The following FBXL2 variants were observed in gnomAD, a reference collection of about 807,000 sequenced individuals.
The protein encoded by FBXL2 is F-box and leucine rich repeat protein 2.
FBXL2 carries 38 observed loss-of-function variants against 69.2 expected under a neutral mutation model. That is an observed-to-expected ratio of 0.55 (90% CI 0.42 to 0.72). The LOEUF is 0.72. FBXL2 is among the 30% of genes least tolerant of loss of function. FBXL2 has a pLI of 0.00. For missense variants in FBXL2, 354 were observed against 520.3 expected, an observed-to-expected ratio of 0.68 and a Z score of 3.11; for synonymous variants, 192 against 201.3, an observed-to-expected ratio of 0.95 and a Z score of 0.39.
At chr3:33,346,086 G>GT (rs1207543597) in intron 2 of FBXL2, among the ~76,000 whole-genome samples, 3 of 152,094 alleles carry the variant, frequency 2.0e-5, no homozygotes, top group Admixed American at 6.5e-5. Flanking sequence ...AATTAGCCAG[G>GT]TGTGGTGACA....
At chr3:33,284,495 T>C (rs1367665406) in intron 1 of FBXL2, among the ~76,000 whole-genome samples, 2 of 152,216 alleles carry the variant, frequency 1.3e-5, no homozygotes, top group Non-Finnish European at 2.9e-5. Flanking sequence ...ATAAGTGCAA[T>C]GTGATGCTGA....
the FBXL2 span, among the ~76,000 whole-genome samples, chr3:33,417,644 G>C: frequency 6.6e-6 from 1 of 152,134 alleles, no homozygotes; most frequent in Non-Finnish European, 1.5e-5. Context: ...TTAGGAAAAT[G>C]CTGCTGTAAA....
chr3:33,395,591 G>A (rs1236157389), intron 12 of FBXL2, among the ~76,000 whole-genome samples: 1 of 151,824 alleles, frequency 6.6e-6, no homozygotes, highest in East Asian at 1.9e-4. Context: ...ATTATTTACA[G>A]TGACATAAAA....
chr3:33,373,489 G>A, intron 7 of FBXL2, 89 bp from the exon 8 acceptor site: 1 of 1,592,772 alleles, frequency 6.3e-7, no homozygotes, highest in African/African-American at 1.3e-5. Context: ...CTCCCCTTCG[G>A]AATTTCTTGT....
intron 3 of FBXL2, 59 bp from the exon 4 acceptor site, chr3:33,359,224 G>A: frequency 7.1e-7 from 1 of 1,417,546 alleles, no homozygotes; most frequent in Non-Finnish European, 9.8e-7. Context: ...TTCTTTAATA[G>A]TCTCAATAAA....
At chr3:33,333,785 G>A (rs1434360753) in intron 2 of FBXL2, among the ~76,000 whole-genome samples, 1 of 152,110 alleles carries the variant, frequency 6.6e-6, no homozygotes, top group Admixed American at 6.6e-5. Context: ...AACCCATAGA[G>A]ATTTCTCTAG....
At chr3:33,291,267 C>A (rs1037241362) in intron 1 of FBXL2, among the ~76,000 whole-genome samples, 6 of 152,004 alleles carry the variant, frequency 3.9e-5, no homozygotes, top group Non-Finnish European at 8.8e-5. Flanking sequence ...TTTTCTTAAG[C>A]AAATCTGCTA....
intron 1 of FBXL2, among the ~76,000 whole-genome samples, chr3:33,294,080 T>G (rs770249109): frequency 7.2e-5 from 11 of 152,156 alleles, no homozygotes; most frequent in Non-Finnish European, 1.2e-4. Flanking sequence ...AACTGGAAAA[T>G]TCACAAATAT....
At chr3:33,396,052 T>G (rs3817476) in intron 12 of FBXL2, 1 of 976,154 alleles carries the variant, frequency 1.0e-6, no homozygotes, top group South Asian at 2.8e-5. Flanking sequence ...CATGAGCAAC[T>G]TGGCATTCCT....
chr3:33,420,030 C>T, the FBXL2 span, among the ~76,000 whole-genome samples: 2 of 151,906 alleles, frequency 1.3e-5, no homozygotes, highest in African/African-American at 4.8e-5. Flanking sequence ...GATTCATGTC[C>T]CCACCCACCT....
At chr3:33,331,757 T>C (rs1056740840) in intron 2 of FBXL2, among the ~76,000 whole-genome samples, 5 of 152,256 alleles carry the variant, frequency 3.3e-5, no homozygotes, top group African/African-American at 4.8e-5. Flanking sequence ...AAGTTACTTA[T>C]GGAAATGATC....
chr3:33,402,441 C>T lies in FBXL2; in HGVS notation n.1215-793C>T, dbSNP rs117282718. Reference sequence around the variant, plus strand: ...AATAACCCATTTGATATAAGCATTACAGACAAGTGAATGAACTTAGTAATA... The same window carrying T: ...AATAACCCATTTGATATAAGCATTATAGACAAGTGAATGAACTTAGTAATA... On this transcript the variant is annotated intron_variant and non_coding_transcript_variant, in intron 12 of 12. Coordinates refer to the FBXL2 transcript ENST00000463736. Among the ~76,000 whole-genome samples the T allele has an allele frequency of 8.5e-5, 13 of 152,288 alleles. No homozygotes were observed. In the East Asian group the frequency reaches 2.3e-3, roughly 27 times the overall value.
chr3:33,393,361 T>C, intron 12 of FBXL2: 1 of 1,613,068 alleles, frequency 6.2e-7, no homozygotes, highest in Non-Finnish European at 8.5e-7. Flanking sequence ...TCTGTAAACC[T>C]GATTAATTTG....
chr3:33,359,476 AAAG>A, intron 4 of FBXL2, 119 bp downstream of exon 4: 1 of 566,730 alleles, frequency 1.8e-6, no homozygotes, highest in Non-Finnish European at 2.9e-6. Context: ...GGTAGAACAG[AAAG>A]AAGAAAAACT....
chr3:33,345,914 A>G (rs1227558882), intron 2 of FBXL2, among the ~76,000 whole-genome samples: 1 of 152,230 alleles, frequency 6.6e-6, no homozygotes, highest in Non-Finnish European at 1.5e-5. Flanking sequence ...TGAATACATT[A>G]GAAAAAATAA....
intron 2 of FBXL2, among the ~76,000 whole-genome samples, chr3:33,335,859 G>C (rs1401972220): frequency 5.3e-5 from 8 of 152,018 alleles, no homozygotes; most frequent in Admixed American, 5.2e-4. Context: ...CAGAAGAAGC[G>C]GGCAGGGGAG....
chr3:33,340,721 G>A (rs547942726), intron 2 of FBXL2, among the ~76,000 whole-genome samples: 38 of 151,188 alleles, frequency 2.5e-4, no homozygotes, highest in Admixed American at 9.9e-4. Context: ...GTGAAACCCC[G>A]TCTCTACTAA....
At chr3:33,382,700 C>T (rs537582415) in intron 13 of FBXL2, 1 of 152,200 alleles carries the variant, frequency 6.6e-6, no homozygotes, top group South Asian at 2.1e-4. Flanking sequence ...ATCGAAATAA[C>T]CCCTGCAGCA....
chr3:33,416,001 C>CT, the FBXL2 span: 1 of 152,110 alleles, frequency 6.6e-6, no homozygotes, highest in Non-Finnish European at 1.5e-5. Context: ...CCTTCCCATG[C>CT]TTACCCACTA....
Sources: allele counts gnomAD v4.1 joint callset (sites outside exome capture counted in the v4.1 genomes callset), GRCh38; gene constraint gnomAD v4.1.1; transcripts MANE v1.5; gene names NCBI Gene and HGNC (gene_info 2026-07-23, HGNC 2026-07-21).